Variants in GALNT2 observed in about 807,000 individuals in gnomAD.
The protein encoded by GALNT2 is polypeptide N-acetylgalactosaminyltransferase 2.
Under a neutral mutation model 81.4 loss-of-function variants are expected in GALNT2, and 31 were observed. The ratio of observed to expected loss-of-function variants is 0.38; its 90% CI spans 0.29 to 0.51. GALNT2 has a LOEUF of 0.51. GALNT2 is among the 20% of genes least tolerant of loss of function. The pLI is 0.87. For synonymous variants in GALNT2, 303 were observed against 287.4 expected (o/e 1.05, Z -0.55); for missense variants, 629 against 765.7 (o/e 0.82, Z 2.11).
chr1:230,153,030 G>A (rs905586302), intron 1 of GALNT2, among the ~76,000 whole-genome samples: 5 of 152,304 alleles, frequency 3.3e-5, no homozygotes, highest in South Asian at 2.1e-4. Context: ...GCTAAACTGC[G>A]TTCAGTCCTT....
intron 2 of GALNT2, 113 bp from the exon 3 acceptor site, chr1:230,203,024 C>G: frequency 8.6e-7 from 1 of 1,167,460 alleles, no homozygotes; most frequent in East Asian, 2.4e-5. Context: ...AAAATGGCCA[C>G]TATATAAAGA....
chr1:230,251,955 T>C (rs1665557163), intron 10 of GALNT2, among the ~76,000 whole-genome samples: 1 of 47,522 alleles, frequency 2.1e-5, no homozygotes. Context: ...GTATTTATTA[T>C]GTAGCTGTGC....
At chr1:230,187,364 C>G (rs933982246) in intron 2 of GALNT2, among the ~76,000 whole-genome samples, 2 of 152,254 alleles carry the variant, frequency 1.3e-5, no homozygotes, top group African/African-American at 2.4e-5. Context: ...TCCCTTGACC[C>G]CTTCACAGGA....
intron 2 of GALNT2, among the ~76,000 whole-genome samples, chr1:230,202,363 G>A (rs1485363142): frequency 6.6e-6 from 1 of 152,140 alleles, no homozygotes; most frequent in Middle Eastern, 3.2e-3. Context: ...CTCCTTGGTC[G>A]CCAACACTGC....
Position 230,262,608 on chromosome 1 carries a change from A to T in GALNT2, c.1172A>T (p.Glu391Val). The change falls in exon 12 of 16, where the codon GAA becomes GTA. Residue 391 changes from glutamate to valine, a missense_variant. This residue lies in a region of GALNT2 where 207 missense variants were observed against 225.5 expected (regional missense o/e 0.92). Coordinates refer to ENST00000366672, the MANE Select transcript of GALNT2 (RefSeq NM_004481.5). ...CGGGCAGCAGAGGTCTGGATGGATG[A>T]ATACAAAAATTTCTATTATGCAGCA... ...TRRAAEVWMD[E>V]YKNFYYAAVP... 1 of 1,614,224 alleles carries T rather than the reference A, an allele frequency of 6.2e-7. No individual in the cohort carries two copies. Among genetic ancestry groups the T allele is most frequent in the South Asian group, 1.1e-5 (1 of 91,082 alleles).
Position 230,227,037 on chromosome 1 carries a change from T to A in GALNT2, c.375-8977T>A, listed in dbSNP as rs572931023. On this transcript the variant is annotated intron_variant, in intron 3 of 15. Transcript: ENST00000366672. ...AACAAAAATAGAGAAGAAACATTAA[T>A]ATTAGGTGTAAAAAAGCAGATATAA... is the stretch of plus-strand genomic sequence containing the variant. Among the ~76,000 whole-genome samples, 109 of 151,602 alleles carry A rather than the reference T, an allele frequency of 7.2e-4. 1 individual carries two copies. The highest frequency in any genetic ancestry group is 2.5e-3 in the African/African-American group (104 of 41,192).
chr1:230,060,309 T>G (rs1300845627), intron 1 of GALNT2, among the ~76,000 whole-genome samples: 1 of 152,188 alleles, frequency 6.6e-6, no homozygotes. Context: ...TCTGGGATAG[T>G]TTTTGTCATT....
intron 1 of GALNT2, among the ~76,000 whole-genome samples, chr1:230,175,172 C>T (rs1662930000): frequency 6.6e-6 from 1 of 152,220 alleles, no homozygotes; most frequent in Non-Finnish European, 1.5e-5. Flanking sequence ...CTCCATCAGC[C>T]AGTGAACCTA....
At chr1:230,095,994 G>T (rs1384425871) in intron 1 of GALNT2, among the ~76,000 whole-genome samples, 1 of 152,228 alleles carries the variant, frequency 6.6e-6, no homozygotes, top group Admixed American at 6.5e-5. Context: ...GAGGGCTTTT[G>T]TGCAGGAATG....
intron 1 of GALNT2, among the ~76,000 whole-genome samples, chr1:230,172,720 AT>A (rs1157987627): frequency 6.6e-6 from 1 of 152,124 alleles, no homozygotes; most frequent in Non-Finnish European, 1.5e-5. Flanking sequence ...AACACTTCTT[AT>A]TTTTTTCTTA....
At chr1:230,084,496 G>C (rs1043085870) in intron 1 of GALNT2, among the ~76,000 whole-genome samples, 2 of 152,168 alleles carry the variant, frequency 1.3e-5, no homozygotes, top group East Asian at 3.9e-4. Flanking sequence ...ACAGCCGGGG[G>C]ATGGTGAGCA....
chr1:230,151,024 G>T (rs1280935799), intron 1 of GALNT2, among the ~76,000 whole-genome samples: 1 of 152,208 alleles, frequency 6.6e-6, no homozygotes, highest in Non-Finnish European at 1.5e-5. Context: ...TGTGTGACTT[G>T]TTGAACTCTT....
At chr1:230,155,322 T>C (rs1469702990) in intron 1 of GALNT2, among the ~76,000 whole-genome samples, 1 of 152,166 alleles carries the variant, frequency 6.6e-6, no homozygotes, top group African/African-American at 2.4e-5. Context: ...AGGTTTTCGC[T>C]CGGAGGTGGG....
Position 230,095,694 on chromosome 1 carries a change from A to G in GALNT2, c.126+28288A>G, listed in dbSNP as rs559692678. ...CGTGAATCTGGTCAGTCTGGTGTCAAACTTGAACCAGTAGACTGCTGTGGA... is the reference window on the plus strand; with the variant it reads ...CGTGAATCTGGTCAGTCTGGTGTCAGACTTGAACCAGTAGACTGCTGTGGA... On this transcript the variant is annotated intron_variant, in intron 1 of 15. Transcript: ENST00000366672. Among the ~76,000 whole-genome samples, 3 of 152,266 alleles carry G rather than the reference A, an allele frequency of 2.0e-5. No homozygotes were observed. The South Asian group carries it at 6.2e-4, about 32-fold the overall frequency.
At chr1:230,196,114 G>A (rs939967325) in intron 2 of GALNT2, among the ~76,000 whole-genome samples, 1 of 152,226 alleles carries the variant, frequency 6.6e-6, no homozygotes, top group Non-Finnish European at 1.5e-5. Flanking sequence ...GGGGAGTAAG[G>A]TTCAAGTACT....
Position 230,243,713 on chromosome 1 carries a change from A to C in GALNT2, c.729+286A>C, listed in dbSNP as rs2102742191. On this transcript the variant is annotated intron_variant, in intron 7 of 15. Transcript: ENST00000366672. This position sits in a 1 kb window ranked among gnomAD's most constrained non-coding sequence, Gnocchi z 4.2. ...GGTGAGAGCCTGATTAGTTGAAGGC[A>C]GCCCTTTTCATGGGAGCAGTTTCCT... Among the ~76,000 whole-genome samples, 1 of 152,350 alleles carries C rather than the reference A, an allele frequency of 6.6e-6. No homozygotes were observed. Among genetic ancestry groups the C allele is most frequent in the South Asian group, 2.1e-4 (1 of 4,830 alleles).
Position 230,126,298 on chromosome 1 carries a change from C to T in GALNT2, c.127-51920C>T, listed in dbSNP as rs75931649. Among the ~76,000 whole-genome samples the T allele has an allele frequency of 8.0e-3, 1,213 of 152,256 alleles. 26 individuals are homozygous for T. The highest frequency in any genetic ancestry group is 0.026 in the African/African-American group (1,090 of 41,552). On this transcript the variant is annotated intron_variant, in intron 1 of 15. Transcript: ENST00000366672. ...AGGGCCAGTTCGGCGGGGGCAGGCA[C>T]CCCTCTGCAGAATGTGGAAAGGGCC... is the stretch of plus-strand genomic sequence containing the variant.
intron 1 of GALNT2, among the ~76,000 whole-genome samples, chr1:230,095,407 C>T (rs551806059): frequency 5.1e-4 from 78 of 152,256 alleles, no homozygotes; most frequent in African/African-American, 1.8e-3. Flanking sequence ...GTTGAGTTGC[C>T]GGCAGTCTCA....
chr1:230,080,311 C>T (rs1280091767), intron 1 of GALNT2, among the ~76,000 whole-genome samples: 2 of 152,252 alleles, frequency 1.3e-5, no homozygotes, highest in East Asian at 1.9e-4. Flanking sequence ...GGGGAGGCCT[C>T]GGTGGAGGAC....
Sources: gnomAD v4.1 joint callset for allele counts (sites outside exome capture counted in the v4.1 genomes callset) on GRCh38, gnomAD v4.1.1 for gene constraint, gnomAD v4.1.1 regional missense constraint, Gnocchi (gnomAD v3.1) non-coding constraint, MANE v1.5 for transcripts, NCBI Gene and HGNC (gene_info 2026-07-23, HGNC 2026-07-21) for gene names.